Variants in CLVS1 observed in about 807,000 individuals in gnomAD.
The protein encoded by CLVS1 is clavesin-1.
In CLVS1, 10 loss-of-function variants were observed where a neutral mutation model predicts 33.1. The observed-to-expected ratio is 0.30, with a 90% CI of 0.19 to 0.51. CLVS1 has a LOEUF of 0.51. Ranked by LOEUF, CLVS1 falls within the 20% of genes least tolerant of loss-of-function variation. The pLI is 0.97. For synonymous variants in CLVS1, 163 were observed against 166.1 expected, an observed-to-expected ratio of 0.98 and a Z score of 0.14; for missense variants, 343 against 433.4, an observed-to-expected ratio of 0.79 and a Z score of 1.85.
At chr8:61,445,353 G>T (rs1816715141) in intron 3 of CLVS1, among the ~76,000 whole-genome samples, 1 of 152,190 alleles carries the variant, frequency 6.6e-6, no homozygotes, top group Non-Finnish European at 1.5e-5. Context: ...AGTGGGTCAT[G>T]GGGGTGGATC....
In CLVS1 at chr8:61,144,254, T is replaced by C. The variant is rs551550521; in HGVS notation, c.-152+12394T>C. On this transcript the variant is annotated intron_variant, in intron 2 of 2. Coordinates refer to the CLVS1 transcript ENST00000522621. Reference sequence around the variant, plus strand: ...TGTGATGTTCCCCTCCCTGTGTCCATTTGTTCTAATTGTTCGACTCCCGCT... The same window carrying C: ...TGTGATGTTCCCCTCCCTGTGTCCACTTGTTCTAATTGTTCGACTCCCGCT... Among the ~76,000 whole-genome samples the C allele has an allele frequency of 2.6e-3, 401 of 152,248 alleles. 3 individuals are homozygous for C. The highest frequency in any genetic ancestry group is 8.6e-3 in the African/African-American group (357 of 41,534).
At chr8:61,107,885 T>C (rs1395177000) in intron 1 of CLVS1, among the ~76,000 whole-genome samples, 7 of 152,372 alleles carry the variant, frequency 4.6e-5, no homozygotes, top group Non-Finnish European at 7.3e-5. Context: ...TCTCTGGTTA[T>C]TTATCAGCTG....
At chr8:61,480,056 C>G (rs141457565) in intron 5 of CLVS1, among the ~76,000 whole-genome samples, 1 of 152,188 alleles carries the variant, frequency 6.6e-6, no homozygotes, top group Non-Finnish European at 1.5e-5. Flanking sequence ...AGGCAGTCTG[C>G]CCGTTCTCAG....
At chr8:61,204,343 G>A (rs189740191) in intron 2 of CLVS1, among the ~76,000 whole-genome samples, 25 of 152,340 alleles carry the variant, frequency 1.6e-4, no homozygotes, top group Admixed American at 5.2e-4. Context: ...AAAGTACAGA[G>A]AGACTGCTTT....
intron 3 of CLVS1, among the ~76,000 whole-genome samples, chr8:61,403,803 A>G (rs1008877280): frequency 6.6e-6 from 1 of 152,206 alleles, no homozygotes; most frequent in African/African-American, 2.4e-5. Flanking sequence ...GTACTAAAAC[A>G]GAGCTTGGCA....
chr8:61,342,634 T>G (rs1480456611), intron 2 of CLVS1, among the ~76,000 whole-genome samples: 1 of 152,190 alleles, frequency 6.6e-6, no homozygotes, highest in Non-Finnish European at 1.5e-5. Context: ...GCGAAAAACA[T>G]GAGCGATATT....
the CLVS1 span, among the ~76,000 whole-genome samples, chr8:61,042,521 G>T: frequency 9.8e-6 from 1 of 101,668 alleles, no homozygotes; most frequent in Non-Finnish European, 1.8e-5. Flanking sequence ...TTTGGTATCT[G>T]GTGAGGGCCC....
rs536878769 is a variant in CLVS1, at chr8:61,240,730, A to T, written c.-151-58947A>T. Reference sequence around the variant, plus strand: ...GTTATCTGCAAATACTAACACTTTTATTATTATTTTTTTCACCTGTATGCT... The same window carrying T: ...GTTATCTGCAAATACTAACACTTTTTTTATTATTTTTTTCACCTGTATGCT... On this transcript the variant is annotated intron_variant, in intron 2 of 2. Transcript: ENST00000522621. 2.1e-3 allele frequency among the ~76,000 whole-genome samples: 318 copies of T among 151,980 alleles called. 1 individual carries two copies. Among genetic ancestry groups the T allele is most frequent in the Admixed American group, 4.3e-3 (65 of 15,248 alleles).
intron 1 of CLVS1, among the ~76,000 whole-genome samples, chr8:61,082,100 T>C (rs1333636500): frequency 2.6e-5 from 4 of 151,920 alleles, no homozygotes; most frequent in Non-Finnish European, 5.9e-5. Context: ...AAGGTAAGCA[T>C]AGAGATGGAA....
chr8:61,202,085 C>T (rs59579308), intron 2 of CLVS1, among the ~76,000 whole-genome samples: 2,813 of 152,242 alleles, frequency 0.018, 95 homozygotes, highest in African/African-American at 0.064. Context: ...TTGTGGAATG[C>T]TGAGAAAGGT....
the CLVS1 span, among the ~76,000 whole-genome samples, chr8:61,044,924 T>A: frequency 6.6e-6 from 1 of 152,216 alleles, no homozygotes; most frequent in Non-Finnish European, 1.5e-5. Context: ...AAGTGTGATC[T>A]TTGGATTGCA....
intron 5 of CLVS1, among the ~76,000 whole-genome samples, chr8:61,490,339 A>G (rs1804028292): frequency 6.6e-6 from 1 of 150,916 alleles, no homozygotes. Flanking sequence ...AAAAAAAAAG[A>G]AGGAAAGAAA....
intron 2 of CLVS1, among the ~76,000 whole-genome samples, chr8:61,236,757 T>C (rs904146152): frequency 1.3e-5 from 2 of 152,158 alleles, no homozygotes; most frequent in African/African-American, 2.4e-5. Flanking sequence ...GTAGAGATCA[T>C]GGAGTTCACC....
chr8:61,409,724 G>T (rs891521101), intron 3 of CLVS1, among the ~76,000 whole-genome samples: 3 of 152,164 alleles, frequency 2.0e-5, no homozygotes, highest in Admixed American at 6.5e-5. Flanking sequence ...CCATGGTTGG[G>T]GGGACGGTGC....
intron 1 of CLVS1, among the ~76,000 whole-genome samples, chr8:61,058,197 G>A (rs1164749817): frequency 1.3e-5 from 2 of 152,176 alleles, no homozygotes; most frequent in Admixed American, 1.3e-4. Flanking sequence ...CAGGGCTGAG[G>A]CTGGTGTGCA....
At position 61,186,277 on chromosome 8, in the gene CLVS1, TA is replaced by T. The variant is rs535710418; in HGVS notation, c.-152+54421del. On this transcript the variant is annotated intron_variant, in intron 2 of 2. Coordinates refer to the CLVS1 transcript ENST00000522621. Reference sequence around the variant, plus strand: ...AGCTGGCATTTACTTTCTGCAAGATTAAAACTTTCAGCTGAATAAACTGATG... The same window carrying T: ...AGCTGGCATTTACTTTCTGCAAGATTAAACTTTCAGCTGAATAAACTGATG... 1.2e-4 allele frequency among the ~76,000 whole-genome samples: 19 copies of T among 152,348 alleles called. No individual in the cohort carries two copies. The South Asian group carries it at 3.9e-3, about 32-fold the overall frequency.
At position 61,074,399 on chromosome 8, in the gene CLVS1, T is replaced by TTATA. The variant is rs796909464; in HGVS notation, c.-243+17178_-243+17181dup. Among the ~76,000 whole-genome samples the TTATA allele has an allele frequency of 2.7e-3, 151 of 55,558 alleles. 3 individuals carry two copies. Among genetic ancestry groups the TTATA allele is most frequent in the Middle Eastern group, 9.1e-3 (1 of 110 alleles). 36.4% of individuals were successfully genotyped at this position (55,558 alleles called of 152,430 possible). A position where few individuals can be genotyped will look rare whatever the true frequency, so the allele number is the denominator to read the frequency against. ...ATAAGTATATGTGTATATATATATG[T>TTATA]TATATATATATAAGTATATGTGTAT... On this transcript the variant is annotated intron_variant, in intron 1 of 2. Transcript: ENST00000522621.
chr8:61,023,650 G>A, the CLVS1 span, among the ~76,000 whole-genome samples: 1 of 152,202 alleles, frequency 6.6e-6, no homozygotes, highest in Non-Finnish European at 1.5e-5. Context: ...CGCAGCGCTC[G>A]TGGCGGGCCC....
chr8:61,004,813 C>A, the CLVS1 span, among the ~76,000 whole-genome samples: 3 of 152,192 alleles, frequency 2.0e-5, no homozygotes, highest in Admixed American at 1.3e-4. Context: ...ATTCAAGTAC[C>A]AAATAAAGCT....
Sources: gnomAD v4.1 joint callset for allele counts (sites outside exome capture counted in the v4.1 genomes callset) on GRCh38, gnomAD v4.1.1 for gene constraint, MANE v1.5 for transcripts, NCBI Gene and HGNC (gene_info 2026-07-23, HGNC 2026-07-21) for gene names.